Variants in RAD18 observed in about 807,000 individuals in gnomAD.
RAD18 encodes the protein RAD18 E3 ubiquitin protein ligase.
RAD18 carries 47 observed loss-of-function variants against 60.4 expected under a neutral mutation model. That is an observed-to-expected ratio of 0.78 (90% CI 0.62 to 0.99). The LOEUF (loss-of-function observed/expected upper bound fraction) is 0.99, where lower values mean the gene tolerates loss of function less well. RAD18 is among the 50% of genes least tolerant of loss of function. RAD18 has a pLI of 0.00. For synonymous variants in RAD18, 225 were observed against 195.5 expected (o/e 1.15, Z -1.26); for missense variants, 640 against 593.3 (o/e 1.08, Z -0.82).
chr3:8,884,940 A>G (rs1177876837), intron 12 of RAD18, among the ~76,000 whole-genome samples: 2 of 152,238 alleles, frequency 1.3e-5, no homozygotes, highest in Non-Finnish European at 2.9e-5. Context: ...AGCAGGTATT[A>G]CTAATGAATT....
intron 1 of RAD18, among the ~76,000 whole-genome samples, chr3:8,962,869 C>A (rs1941113258): frequency 6.6e-6 from 1 of 152,038 alleles, no homozygotes; most frequent in African/African-American, 2.4e-5. Context: ...ACGAGCACTA[C>A]GTTTATTGAG....
chr3:8,923,378 G>C (rs1358515923), intron 7 of RAD18, among the ~76,000 whole-genome samples: 2 of 152,174 alleles, frequency 1.3e-5, no homozygotes, highest in South Asian at 4.1e-4. Context: ...AGAATAAAAA[G>C]AAATGAACAA....
intron 5 of RAD18, among the ~76,000 whole-genome samples, chr3:8,940,824 T>C (rs890627232): frequency 6.6e-6 from 1 of 152,198 alleles, no homozygotes; most frequent in Non-Finnish European, 1.5e-5. Flanking sequence ...AAGGGCCAGG[T>C]AGAATTTAGA....
intron 9 of RAD18, among the ~76,000 whole-genome samples, chr3:8,910,600 CAAA>C (rs35992206): frequency 8.9e-6 from 1 of 112,412 alleles, no homozygotes; most frequent in African/African-American, 3.4e-5. Context: ...GCCTCCATCT[CAAA>C]AAAAAAAAAA....
At chr3:8,937,189 G>C (rs1940667856) in intron 6 of RAD18, among the ~76,000 whole-genome samples, 2 of 152,170 alleles carry the variant, frequency 1.3e-5, no homozygotes, top group African/African-American at 4.8e-5. Context: ...AGCAACAGCT[G>C]AATCATTTTG....
chr3:8,891,580 GA>G (rs1170321666), intron 11 of RAD18, among the ~76,000 whole-genome samples: 2 of 152,162 alleles, frequency 1.3e-5, no homozygotes, highest in African/African-American at 4.8e-5. Flanking sequence ...ACACATCTCA[GA>G]AGTTGCCTGC....
rs1330174617 is a variant in RAD18 at position 8,890,471 on chromosome 3, A to G, written c.1323-20T>C. ...CTGGAACTAAAAGGATATGTACATC[A>G]GTATTGACAGACAACAAGAAGACTG... On this transcript the variant is annotated intron_variant, in intron 11 of 12. Coordinates refer to ENST00000264926, the MANE Select transcript of RAD18 (RefSeq NM_020165.4). The G allele has an allele frequency of 1.3e-6, 2 of 1,513,522 alleles. No homozygotes were observed. Among genetic ancestry groups the G allele is most frequent in the Admixed American group, 3.4e-5 (2 of 59,272 alleles). The allele number at this position is 1,513,522 out of a possible 1,614,324, so 93.8% of individuals were successfully genotyped here.
rs1323390511 is a variant in RAD18 at position 8,903,058 on chromosome 3, T to C, written c.1028-538A>G. Among the ~76,000 whole-genome samples the C allele has an allele frequency of 2.7e-5, 4 of 148,474 alleles. No homozygotes were observed. In the East Asian group the frequency reaches 7.8e-4, roughly 29 times the overall value. ...AAAAACAAAAAACAAAAAACAGAGGTGTACAAGCTTGCTCAAGAACAGCAT... is the reference window on the plus strand; with the variant it reads ...AAAAACAAAAAACAAAAAACAGAGGCGTACAAGCTTGCTCAAGAACAGCAT... On this transcript the variant is annotated intron_variant, in intron 9 of 12. Transcript: ENST00000264926.
chr3:8,943,848 T>G (rs1940796251), intron 4 of RAD18, among the ~76,000 whole-genome samples: 1 of 152,138 alleles, frequency 6.6e-6, no homozygotes, highest in Non-Finnish European at 1.5e-5. Context: ...AAACTGTCCC[T>G]GGAGGGAAAA....
chr3:8,932,407 G>C (rs1940576495), intron 7 of RAD18, among the ~76,000 whole-genome samples: 1 of 152,080 alleles, frequency 6.6e-6, no homozygotes, highest in Non-Finnish European at 1.5e-5. Flanking sequence ...ACTATCAAAA[G>C]ACAGCAGACA....
intron 11 of RAD18, among the ~76,000 whole-genome samples, chr3:8,892,656 G>A (rs890131699): frequency 2.9e-4 from 44 of 152,206 alleles, no homozygotes; most frequent in African/African-American, 9.2e-4. Context: ...ATTCTCTGAC[G>A]GAAAGTAGCA....
rs767027553 is a variant in RAD18, at chr3:8,890,378, T to C, written c.1385+11A>G. The C allele has an allele frequency of 1.3e-6, 2 of 1,557,878 alleles. No homozygotes were observed. Among genetic ancestry groups the C allele is most frequent in the South Asian group, 1.1e-5 (1 of 89,872 alleles). ...AAAGTGCATGCTTATTTCATGATTATGAGAACTCACTTATGTGATGCTTCC... is the reference window on the plus strand; with the variant it reads ...AAAGTGCATGCTTATTTCATGATTACGAGAACTCACTTATGTGATGCTTCC... On this transcript the variant is annotated intron_variant, in intron 12 of 12. Transcript: ENST00000264926.
At chr3:8,932,484 T>A (rs1031429206) in intron 7 of RAD18, among the ~76,000 whole-genome samples, 1 of 152,174 alleles carries the variant, frequency 6.6e-6, no homozygotes, top group Non-Finnish European at 1.5e-5. Flanking sequence ...TTGACTAGAA[T>A]GGCTAAAATT....
In RAD18 at chr3:8,910,923, C is replaced by T. The variant is rs182307892; in HGVS notation, c.1027+1389G>A. Among the ~76,000 whole-genome samples the T allele has an allele frequency of 4.7e-3, 710 of 152,232 alleles. 3 individuals carry two copies. The highest frequency in any genetic ancestry group is 6.8e-3 in the Middle Eastern group (2 of 294). The stretch of plus-strand genomic sequence containing the variant: ...CCAAATGGCTTGATAGTTGTTACCT[C>T]TAGGGAATGGGAATAGAGGCAGGTT... On this transcript the variant is annotated intron_variant, in intron 9 of 12. Coordinates refer to ENST00000264926, the MANE Select transcript of RAD18 (RefSeq NM_020165.4).
chr3:8,921,633 C>T (rs1465590225), intron 7 of RAD18, among the ~76,000 whole-genome samples: 1 of 151,722 alleles, frequency 6.6e-6, no homozygotes, highest in Non-Finnish European at 1.5e-5. Context: ...GAGCAAGACC[C>T]TATCTTTAAA....
intron 12 of RAD18, among the ~76,000 whole-genome samples, chr3:8,884,903 C>A (rs1939531454): frequency 6.6e-6 from 1 of 152,190 alleles, no homozygotes; most frequent in Middle Eastern, 3.2e-3. Flanking sequence ...CTCACAGGTA[C>A]AGCAGGTTTT....
chr3:8,915,485 T>C (rs953857732), intron 7 of RAD18, among the ~76,000 whole-genome samples: 3 of 152,032 alleles, frequency 2.0e-5, no homozygotes, highest in Non-Finnish European at 4.4e-5. Context: ...CTAAACTTTT[T>C]GATGAACTGC....
intron 1 of RAD18, among the ~76,000 whole-genome samples, chr3:8,960,675 T>C (rs994780524): frequency 1.3e-5 from 2 of 152,206 alleles, no homozygotes; most frequent in Non-Finnish European, 2.9e-5. Context: ...GTCCACAGCA[T>C]CAGTATCCCA....
At chr3:8,927,532 C>T (rs750734003) in intron 7 of RAD18, among the ~76,000 whole-genome samples, 25 of 152,144 alleles carry the variant, frequency 1.6e-4, no homozygotes, top group Non-Finnish European at 3.1e-4. Context: ...GCTAGAAATA[C>T]CATTTGACCC....
Sources: allele counts gnomAD v4.1 joint callset (sites outside exome capture counted in the v4.1 genomes callset), GRCh38; gene constraint gnomAD v4.1.1; transcripts MANE v1.5; gene names NCBI Gene and HGNC (gene_info 2026-07-23, HGNC 2026-07-21).